NUDT7: variants seen among roughly 807,000 people sequenced by gnomAD.
NUDT7 encodes the protein nudix hydrolase 7.
Under a neutral mutation model 13.1 loss-of-function variants are expected in NUDT7, and 19 were observed. The ratio of observed to expected loss-of-function variants is 1.45; its 90% CI spans 1.01 to 2.13. NUDT7 has a LOEUF of 2.13. Among genes scored for constraint, NUDT7 ranks in the 30% most tolerant of loss-of-function variants. The pLI, the probability that NUDT7 is intolerant of heterozygous loss-of-function variation, is 0.00. For synonymous variants in NUDT7, 132 were observed against 109.7 expected, an observed-to-expected ratio of 1.20 and a Z score of -1.27; for missense variants, 360 against 291.7, an observed-to-expected ratio of 1.23 and a Z score of -1.71.
chr16:77,734,066 A>C (rs2145119676), intron 2 of NUDT7, among the ~76,000 whole-genome samples: 1 of 152,294 alleles, frequency 6.6e-6, no homozygotes, highest in South Asian at 2.1e-4. Flanking sequence ...GGAAGGGGGC[A>C]ATGCGGGGAA....
intron 2 of NUDT7, among the ~76,000 whole-genome samples, chr16:77,729,739 C>T (rs866294722): frequency 2.0e-4 from 30 of 152,172 alleles, no homozygotes; most frequent in Middle Eastern, 6.8e-3. Context: ...GCAGGAGAAT[C>T]GCTTGAACCT....
intron 2 of NUDT7, among the ~76,000 whole-genome samples, chr16:77,732,811 G>A (rs1428805754): frequency 6.6e-6 from 1 of 150,690 alleles, no homozygotes; most frequent in Non-Finnish European, 1.5e-5. Context: ...TTTAAAACAG[G>A]CATCATATCA....
At chr16:77,726,199 G>A (rs1324255089) in intron 2 of NUDT7, among the ~76,000 whole-genome samples, 1 of 152,176 alleles carries the variant, frequency 6.6e-6, no homozygotes, top group South Asian at 2.1e-4. Context: ...TGTGACTTTG[G>A]CCTCGTTACT....
At position 77,741,322 on chromosome 16, in the gene NUDT7, C is replaced by G. The variant is rs896477441; in HGVS notation, c.349-260C>G. On this transcript the variant is annotated intron_variant, in intron 3 of 3. Transcript: ENST00000268533. Reference sequence around the variant, plus strand: ...AGCGAACACATTTTTATGATACTGCCAAATTGCCATTCCAAAAGATTGTAC... The same window carrying G: ...AGCGAACACATTTTTATGATACTGCGAAATTGCCATTCCAAAAGATTGTAC... 1.1e-5 allele frequency: 4 copies of G among 357,516 alleles called. No homozygotes were observed. The Admixed American group carries it at 1.7e-4, about 15-fold the overall frequency. 22.1% of individuals were successfully genotyped at this position (357,516 alleles called of 1,614,324 possible). A position where few individuals can be genotyped will look rare whatever the true frequency, so the allele number is the denominator to read the frequency against.
At chr16:77,738,096 G>T (rs1291785749) in intron 3 of NUDT7, among the ~76,000 whole-genome samples, 2 of 152,202 alleles carry the variant, frequency 1.3e-5, no homozygotes, top group African/African-American at 2.4e-5. Context: ...CACACGAAAT[G>T]TGTCAATTAC....
In NUDT7 at chr16:77,741,847, A is replaced by G. The variant is rs201164809; in HGVS notation, c.614A>G (p.Glu205Gly). The change falls in exon 4 of 4, where the codon GAA becomes GGA. Residue 205 changes from glutamate (E) to glycine (G), a missense_variant. Transcript: ENST00000268533. ...LAVLVAFIIL[E>G]KKPTFEVQFN... ...GTGTTGGTGGCCTTTATCATTTTGG[A>G]AAAAAAACCCACCTTTGAGGTTCAA... 4.8e-5 allele frequency: 78 copies of G among 1,613,498 alleles called. No individual in the cohort carries two copies. In the African/African-American group the frequency reaches 9.2e-4, roughly 19 times the overall value.
At position 77,735,602 on chromosome 16, in the gene NUDT7, T is replaced by A. The variant is rs542031972; in HGVS notation, c.190-226T>A. The A allele has an allele frequency of 8.5e-6, 5 of 586,438 alleles. No homozygotes were observed. In the South Asian group the frequency reaches 1.1e-4, roughly 13 times the overall value. 36.3% of individuals were successfully genotyped at this position (586,438 alleles called of 1,614,324 possible). A position where few individuals can be genotyped will look rare whatever the true frequency, so the allele number is the denominator to read the frequency against. On this transcript the variant is annotated intron_variant, in intron 2 of 3. Coordinates refer to ENST00000268533, the MANE Select transcript of NUDT7 (RefSeq NM_001105663.3). Reference sequence around the variant, plus strand: ...ACAGATTAATACAGTGTGTGGTATCTTTTGGGGACAAATAGAATAAAAGTT... The same window carrying A: ...ACAGATTAATACAGTGTGTGGTATCATTTGGGGACAAATAGAATAAAAGTT...
chr16:77,728,941 C>T (rs71396120), intron 2 of NUDT7, among the ~76,000 whole-genome samples: 12 of 152,288 alleles, frequency 7.9e-5, no homozygotes, highest in South Asian at 4.1e-4. Flanking sequence ...GTCCCCTCTT[C>T]TACCCTCCTC....
rs10438624 is a variant in NUDT7 at position 77,730,814 on chromosome 16, C to T, written c.190-5014C>T. Among the ~76,000 whole-genome samples the T allele has an allele frequency of 4.0e-5, 6 of 151,844 alleles. No homozygotes were observed. In the South Asian group the frequency reaches 1.3e-3, roughly 32 times the overall value. On this transcript the variant is annotated intron_variant, in intron 2 of 3. Transcript: ENST00000268533. The stretch of plus-strand genomic sequence containing the variant: ...ATAATGGCCATTCTAAAAGGTGTGA[C>T]GTAATGTCTCTCTGTGGTTTTAATT...
At chr16:77,730,066 A>G (rs2014268818) in intron 2 of NUDT7, among the ~76,000 whole-genome samples, 1 of 152,156 alleles carries the variant, frequency 6.6e-6, no homozygotes, top group South Asian at 2.1e-4. Flanking sequence ...GTAACATATT[A>G]ACACACATAC....
At chr16:77,734,359 C>T (rs1211580401) in intron 2 of NUDT7, among the ~76,000 whole-genome samples, 1 of 152,250 alleles carries the variant, frequency 6.6e-6, no homozygotes, top group South Asian at 2.1e-4. Flanking sequence ...TGCGGTGGCT[C>T]ACGCCTGTAA....
chr16:77,738,961 C>T (rs80192970), intron 3 of NUDT7, among the ~76,000 whole-genome samples: 18,484 of 152,248 alleles, frequency 0.12, 1,224 homozygotes, highest in African/African-American at 0.16. Context: ...GGCTTCTTCG[C>T]GATCAGATTG....
chr16:77,728,102 A>G (rs919754597), intron 2 of NUDT7, among the ~76,000 whole-genome samples: 4 of 152,086 alleles, frequency 2.6e-5, no homozygotes, highest in African/African-American at 9.7e-5. Context: ...CTGGAGCTCT[A>G]CTGGAGCTCT....
intron 2 of NUDT7, among the ~76,000 whole-genome samples, chr16:77,728,222 G>A (rs1413254137): frequency 2.6e-5 from 4 of 151,960 alleles, no homozygotes; most frequent in Non-Finnish European, 5.9e-5. Flanking sequence ...CACTAGCTCT[G>A]GAACCTCGAA....
At chr16:77,739,180 G>A (rs1487836746) in intron 3 of NUDT7, among the ~76,000 whole-genome samples, 1 of 152,176 alleles carries the variant, frequency 6.6e-6, no homozygotes, top group Non-Finnish European at 1.5e-5. Flanking sequence ...AGGGTTCTAG[G>A]ATCTCACAGG....
At position 77,741,983 on chromosome 16, in the gene NUDT7, G is replaced by T; in HGVS notation, c.*33G>T. 1 of 1,536,706 alleles carries T rather than the reference G, an allele frequency of 6.5e-7. No homozygotes were observed. On this transcript the variant is annotated 3_prime_UTR_variant, in exon 4 of 4. Coordinates refer to ENST00000268533, the MANE Select transcript of NUDT7 (RefSeq NM_001105663.3). Reference sequence around the variant, plus strand: ...GAGCAAGAGACAAAGAACTATTCACGAGGATTCTGTGTGTGCTTATTCGTA... The same window carrying T: ...GAGCAAGAGACAAAGAACTATTCACTAGGATTCTGTGTGTGCTTATTCGTA...
chr16:77,723,625 C>T (rs1411334759), intron 1 of NUDT7, among the ~76,000 whole-genome samples: 1 of 138,396 alleles, frequency 7.2e-6, no homozygotes, highest in Non-Finnish European at 1.5e-5. Context: ...CAGAGTCTCA[C>T]TCTGCCGCCC....
At chr16:77,730,122 GTCA>G (rs1258644501) in intron 2 of NUDT7, among the ~76,000 whole-genome samples, 1 of 152,066 alleles carries the variant, frequency 6.6e-6, no homozygotes, top group Admixed American at 6.5e-5. Flanking sequence ...ATCTCACATA[GTCA>G]TCATCTTTGC....
chr16:77,733,060 G>A (rs2014368489), intron 2 of NUDT7, among the ~76,000 whole-genome samples: 1 of 152,108 alleles, frequency 6.6e-6, no homozygotes, highest in Non-Finnish European at 1.5e-5. Context: ...AGATGTCTAA[G>A]GATTTAGCTA....
Sources: allele counts gnomAD v4.1 joint callset (sites outside exome capture counted in the v4.1 genomes callset), GRCh38; gene constraint gnomAD v4.1.1; transcripts MANE v1.5; gene names NCBI Gene and HGNC (gene_info 2026-07-23, HGNC 2026-07-21).